Variants in LRMDA observed in about 807,000 individuals in gnomAD.
The protein encoded by LRMDA is leucine-rich melanocyte differentiation-associated protein.
A neutral mutation model predicts 29.8 loss-of-function variants in LRMDA; 18 were observed. The ratio of observed to expected loss-of-function variants is 0.60; its 90% CI spans 0.42 to 0.90. The LOEUF is 0.90. Ranked by LOEUF, LRMDA falls within the 40% of genes least tolerant of loss-of-function variation. The probability of loss-of-function intolerance (pLI) is 0.00; values close to 1 mark genes in which losing one functional copy is unlikely to be tolerated. For synonymous variants in LRMDA, 125 were observed against 109.4 expected, an observed-to-expected ratio of 1.14 and a Z score of -0.89; for missense variants, 273 against 273.9, an observed-to-expected ratio of 1.00 and a Z score of 0.02.
intron 5 of LRMDA, among the ~76,000 whole-genome samples, chr10:76,179,517 G>A (rs1851005045): frequency 6.6e-6 from 1 of 152,146 alleles, no homozygotes; most frequent in Non-Finnish European, 1.5e-5. Flanking sequence ...TGGGAGGATC[G>A]GGAGCTTATG....
intron 2 of LRMDA, among the ~76,000 whole-genome samples, chr10:75,910,634 G>A (rs991327475): frequency 3.9e-5 from 6 of 152,196 alleles, no homozygotes; most frequent in African/African-American, 7.2e-5. Context: ...TCTAGAAAGA[G>A]AAATTGGAGC....
At chr10:76,130,115 G>A (rs964261321) in intron 5 of LRMDA, among the ~76,000 whole-genome samples, 2 of 140,682 alleles carry the variant, frequency 1.4e-5, no homozygotes, top group African/African-American at 5.3e-5. Context: ...GCTGCTCAAA[G>A]TTTTTTTTTT....
chr10:75,695,758 T>C (rs369413636), intron 2 of LRMDA, among the ~76,000 whole-genome samples: 3 of 152,322 alleles, frequency 2.0e-5, no homozygotes, highest in African/African-American at 7.2e-5. Flanking sequence ...TATTCTTCTG[T>C]GGCCTGATTT....
At chr10:75,925,459 T>C (rs2132394667) in intron 2 of LRMDA, among the ~76,000 whole-genome samples, 1 of 152,298 alleles carries the variant, frequency 6.6e-6, no homozygotes, top group South Asian at 2.1e-4. Flanking sequence ...AAATATTTTG[T>C]GTATTTGATC....
chr10:75,720,563 C>T (rs1409146617), intron 2 of LRMDA, among the ~76,000 whole-genome samples: 3 of 152,180 alleles, frequency 2.0e-5, no homozygotes, highest in African/African-American at 7.2e-5. Context: ...GAGTAGTCTT[C>T]AGGTTAGTCA....
chr10:75,633,101 A>G (rs1302066017), intron 2 of LRMDA, among the ~76,000 whole-genome samples: 1 of 152,100 alleles, frequency 6.6e-6, no homozygotes, highest in Non-Finnish European at 1.5e-5. Flanking sequence ...GTATTTACAT[A>G]TAGTCTGGAA....
chr10:75,936,623 T>C (rs558178266), intron 2 of LRMDA, among the ~76,000 whole-genome samples: 1 of 152,302 alleles, frequency 6.6e-6, no homozygotes, highest in African/African-American at 2.4e-5. Flanking sequence ...TTCTGGAGAC[T>C]GGGAGATCCA....
At chr10:76,061,464 C>T (rs573568613) in intron 5 of LRMDA, among the ~76,000 whole-genome samples, 1 of 152,164 alleles carries the variant, frequency 6.6e-6, no homozygotes, top group South Asian at 2.1e-4. Context: ...CAACAAACCC[C>T]CGTGACACAA....
At chr10:76,108,689 A>G (rs1009599075) in intron 5 of LRMDA, among the ~76,000 whole-genome samples, 6 of 152,210 alleles carry the variant, frequency 3.9e-5, no homozygotes, top group African/African-American at 1.4e-4. Flanking sequence ...AGTGTGGCAT[A>G]GGAAATAGAG....
chr10:75,980,690 A>G (rs971543326), intron 2 of LRMDA, among the ~76,000 whole-genome samples: 1 of 152,242 alleles, frequency 6.6e-6, no homozygotes, highest in Non-Finnish European at 1.5e-5. Context: ...TCATGATGTC[A>G]CAAAGCAACT....
At chr10:75,916,289 A>T (rs1384302589) in intron 2 of LRMDA, among the ~76,000 whole-genome samples, 1 of 151,988 alleles carries the variant, frequency 6.6e-6, no homozygotes, top group Non-Finnish European at 1.5e-5. Context: ...CAAGGAGGCT[A>T]AGCAGTGGGT....
intron 2 of LRMDA, among the ~76,000 whole-genome samples, chr10:75,579,965 A>G (rs1840565031): frequency 6.6e-6 from 1 of 152,260 alleles, no homozygotes; most frequent in Non-Finnish European, 1.5e-5. Context: ...AGCCAATATC[A>G]TACTGAATGG....
chr10:76,245,475 G>T (rs1454203351), intron 5 of LRMDA, among the ~76,000 whole-genome samples: 1 of 152,170 alleles, frequency 6.6e-6, no homozygotes, highest in Admixed American at 6.5e-5. Flanking sequence ...ATGTCTCCGA[G>T]CACATTCTGA....
intron 2 of LRMDA, among the ~76,000 whole-genome samples, chr10:75,631,407 C>T (rs1008257020): frequency 6.6e-6 from 1 of 151,978 alleles, no homozygotes; most frequent in African/African-American, 2.4e-5. Context: ...CACTGCACCC[C>T]CCCCGCCCCG....
chr10:76,398,495 T>C (rs1453461004), intron 6 of LRMDA, among the ~76,000 whole-genome samples: 5 of 152,300 alleles, frequency 3.3e-5, no homozygotes, highest in Non-Finnish European at 7.4e-5. Flanking sequence ...AAGGGGCAAT[T>C]GTAAGATTTA....
chr10:76,136,528 C>A (rs1850097596), intron 5 of LRMDA, among the ~76,000 whole-genome samples: 1 of 151,832 alleles, frequency 6.6e-6, no homozygotes, highest in Non-Finnish European at 1.5e-5. Flanking sequence ...CTAATATGTG[C>A]AAATGATTGA....
chr10:76,455,020 G>A (rs1251806080), intron 6 of LRMDA, among the ~76,000 whole-genome samples: 1 of 152,132 alleles, frequency 6.6e-6, no homozygotes, highest in Non-Finnish European at 1.5e-5. Flanking sequence ...ATCCTAGAAT[G>A]CCAGAGTCGG....
At chr10:76,545,454 C>T (rs533637900) in intron 6 of LRMDA, among the ~76,000 whole-genome samples, 1 of 151,764 alleles carries the variant, frequency 6.6e-6, no homozygotes, top group South Asian at 2.1e-4. Flanking sequence ...TGGGGAAGTC[C>T]AAAGTCTTTC....
chr10:76,080,871 G>T (rs546975545), intron 5 of LRMDA, among the ~76,000 whole-genome samples: 59 of 152,302 alleles, frequency 3.9e-4, no homozygotes, highest in Admixed American at 1.8e-3. Flanking sequence ...ACGGCCTGTG[G>T]CATGTCAGGG....
Sources: allele counts gnomAD v4.1 joint callset (sites outside exome capture counted in the v4.1 genomes callset), GRCh38; gene constraint gnomAD v4.1.1; transcripts MANE v1.5; gene names NCBI Gene and HGNC (gene_info 2026-07-23, HGNC 2026-07-21).